Variants in ARHGAP39 observed in about 807,000 individuals in gnomAD.
ARHGAP39 encodes the protein Rho GTPase activating protein 39.
Under a neutral mutation model 106.9 loss-of-function variants are expected in ARHGAP39, and 44 were observed. The ratio of observed to expected loss-of-function variants is 0.41; its 90% CI spans 0.32 to 0.53. ARHGAP39 has a LOEUF of 0.53. ARHGAP39 is among the 20% of genes least tolerant of loss of function. The pLI, the probability that ARHGAP39 is intolerant of heterozygous loss-of-function variation, is 0.21. For synonymous variants in ARHGAP39, 768 were observed against 693.2 expected, an observed-to-expected ratio of 1.11 and a Z score of -1.69; for missense variants, 1,496 against 1,577.3, an observed-to-expected ratio of 0.95 and a Z score of 0.87.
chr8:144,688,063 CTAAT>C (rs1822669209), upstream of ARHGAP39, among the ~76,000 whole-genome samples: 1 of 151,968 alleles, frequency 6.6e-6, no homozygotes, highest in African/African-American at 2.4e-5. Context: ...ACACACTTAA[CTAAT>C]TAAAAATATA....
At chr8:144,678,269 C>T (rs545220246) in intron 1 of ARHGAP39, among the ~76,000 whole-genome samples, 1 of 149,972 alleles carries the variant, frequency 6.7e-6, no homozygotes, top group East Asian at 1.9e-4. Context: ...GACTCTCTCT[C>T]TAAAAAAAAA....
intron 3 of ARHGAP39, among the ~76,000 whole-genome samples, chr8:144,559,770 G>T (rs1233649948): frequency 6.6e-6 from 1 of 152,164 alleles, no homozygotes; most frequent in Non-Finnish European, 1.5e-5. Context: ...TTGGGAGTAG[G>T]ACCCAAGTCT....
At chr8:144,658,071 G>GAT (rs1027151197) in intron 1 of ARHGAP39, among the ~76,000 whole-genome samples, 20 of 152,100 alleles carry the variant, frequency 1.3e-4, no homozygotes, top group Admixed American at 8.5e-4. Flanking sequence ...TACACAGGAT[G>GAT]ATATATATAG....
intron 1 of ARHGAP39, among the ~76,000 whole-genome samples, chr8:144,677,996 A>G (rs571449335): frequency 1.3e-5 from 2 of 152,216 alleles, no homozygotes; most frequent in African/African-American, 4.8e-5. Context: ...TGTGTCAACG[A>G]GTCCCTCCCC....
chr8:144,574,353 G>A (rs1818692864), intron 3 of ARHGAP39, among the ~76,000 whole-genome samples: 1 of 151,712 alleles, frequency 6.6e-6, no homozygotes, highest in Non-Finnish European at 1.5e-5. Context: ...TGGGCAACAT[G>A]GCATTAGCCT....
At chr8:144,690,254 A>T (rs1219824615), upstream of ARHGAP39, among the ~76,000 whole-genome samples, 1 of 152,094 alleles carries the variant, frequency 6.6e-6, no homozygotes, top group Non-Finnish European at 1.5e-5. Context: ...CTGAGATTAC[A>T]GGTGCCTGCC....
rs1459473413 is a variant in ARHGAP39 at position 144,534,169 on chromosome 8, T to C, written c.2648A>G (p.Tyr883Cys). ...VAISTYAKYC[Y>C]HKLQKAALTG... is the part of the protein sequence containing the mutation. ...CAGGGCTGCCTTCTGTAGCTTGTGG[T>C]AACAGTACTTGGCATACGTGCTTAT... Residue 883 changes from tyrosine (Y) to cysteine (C), a missense_variant, in exon 8 of 12, where the codon TAC becomes TGC. Around this residue, in one of 4 missense-constraint regions of ARHGAP39, gnomAD observed 470 missense variants for 605.1 expected, o/e 0.78. Coordinates refer to ENST00000377307, the MANE Select transcript of ARHGAP39 (RefSeq NM_025251.3). 6.2e-7 allele frequency: 1 copy of C among 1,613,318 alleles called. No homozygotes were observed. The highest frequency in any genetic ancestry group is 8.5e-7 in the Non-Finnish European group (1 of 1,179,806).
intron 1 of ARHGAP39, among the ~76,000 whole-genome samples, chr8:144,661,586 C>G (rs1300974550): frequency 2.0e-5 from 3 of 152,180 alleles, no homozygotes; most frequent in Admixed American, 2.0e-4. Context: ...CTGAGGCCAT[C>G]TGGCCACCAG....
the ARHGAP39 span, among the ~76,000 whole-genome samples, chr8:144,694,184 T>G: frequency 3.9e-5 from 6 of 152,142 alleles, no homozygotes; most frequent in African/African-American, 7.2e-5. Context: ...ATATTCTGGT[T>G]GTTGTGAGGA....
chr8:144,603,065 CTG>C (rs1820124334), intron 2 of ARHGAP39, among the ~76,000 whole-genome samples: 1 of 114,614 alleles, frequency 8.7e-6, no homozygotes, highest in East Asian at 2.7e-4. Context: ...GCTCGTGTAC[CTG>C]TGTGCGTGCG....
rs776774527 is a variant in ARHGAP39, at chr8:144,530,661, G to A, written c.3150+41C>T. 47 of 1,526,600 alleles carry A rather than the reference G, an allele frequency of 3.1e-5. No individual in the cohort carries two copies. The African/African-American group carries it at 6.3e-4, about 21-fold the overall frequency. The allele number at this position is 1,526,600 out of a possible 1,614,324, so 94.6% of individuals were successfully genotyped here. ...GGGCGCGGAGGGGCGGGGGCGGGGC[G>A]GGGAGGGGAAAGCAGCGGGGACCCC... On this transcript the variant is annotated intron_variant, in intron 11 of 11. Coordinates refer to ENST00000377307, the MANE Select transcript of ARHGAP39 (RefSeq NM_025251.3).
At chr8:144,669,506 C>CAAAAAAAAAAAAAAAAAAAAAAAA (rs55678140) in intron 1 of ARHGAP39, among the ~76,000 whole-genome samples, 5 of 59,746 alleles carry the variant, frequency 8.4e-5, no homozygotes, top group East Asian at 5.0e-4. Context: ...GACTCGGTCT[C>CAAAAAAAAAAAAAAAAAAAAAAAA]AAAAAAAAAA....
chr8:144,678,974 G>A (rs961979722), intron 1 of ARHGAP39, among the ~76,000 whole-genome samples: 2 of 152,040 alleles, frequency 1.3e-5, no homozygotes. Flanking sequence ...TGTTCAGGGG[G>A]AACTGGCAAG....
At chr8:144,538,389 C>T (rs772154529) in intron 6 of ARHGAP39, among the ~76,000 whole-genome samples, 4 of 152,250 alleles carry the variant, frequency 2.6e-5, no homozygotes, top group Non-Finnish European at 5.9e-5. Context: ...GTCTCCTCCT[C>T]CTGCTCCGTG....
chr8:144,530,923 C>T (rs902980404), intron 10 of ARHGAP39, 52 bp from the exon 11 acceptor site: 2 of 1,567,604 alleles, frequency 1.3e-6, no homozygotes, highest in Non-Finnish European at 1.7e-6. Context: ...CACCCCTGGG[C>T]CAAATGGGGT....
chr8:144,692,293 C>G, the ARHGAP39 span, among the ~76,000 whole-genome samples: 1 of 152,260 alleles, frequency 6.6e-6, no homozygotes, highest in Non-Finnish European at 1.5e-5. Flanking sequence ...TCTGTGGGGT[C>G]TCTTGGCACC....
At position 144,604,453 on chromosome 8, in the gene ARHGAP39, C is replaced by T. The variant is rs958977725; in HGVS notation, c.80+1082G>A. Among the ~76,000 whole-genome samples the T allele has an allele frequency of 5.9e-5, 9 of 152,152 alleles. No individual in the cohort carries two copies. Among genetic ancestry groups the T allele is most frequent in the African/African-American group, 2.2e-4 (9 of 41,430 alleles). Reference sequence around the variant, plus strand: ...AGTGCAGTGGTGTGATCTCAGCTCACTGCAGCCTAAACCTCTTGGGCTCAA... The same window carrying T: ...AGTGCAGTGGTGTGATCTCAGCTCATTGCAGCCTAAACCTCTTGGGCTCAA... On this transcript the variant is annotated intron_variant, in intron 2 of 11. Coordinates refer to ENST00000377307, the MANE Select transcript of ARHGAP39 (RefSeq NM_025251.3). This position sits in a 1 kb window ranked among gnomAD's most constrained non-coding sequence, Gnocchi z 4.1.
chr8:144,661,012 G>A (rs544229069), intron 1 of ARHGAP39, among the ~76,000 whole-genome samples: 15 of 152,148 alleles, frequency 9.9e-5, no homozygotes, highest in East Asian at 7.7e-4. Flanking sequence ...GGTGGCACAC[G>A]ACTCTGTAGT....
chr8:144,618,413 T>C (rs1003630031), intron 1 of ARHGAP39, among the ~76,000 whole-genome samples: 4 of 152,376 alleles, frequency 2.6e-5, no homozygotes, highest in South Asian at 4.1e-4. Context: ...ATTTTTGTTT[T>C]TGCCTGTGTT....
Sources: allele counts gnomAD v4.1 joint callset (sites outside exome capture counted in the v4.1 genomes callset), GRCh38; gene constraint gnomAD v4.1.1; regional missense constraint gnomAD v4.1.1; non-coding constraint Gnocchi (gnomAD v3.1); transcripts MANE v1.5; gene names NCBI Gene and HGNC (gene_info 2026-07-23, HGNC 2026-07-21).